The following XAF1 variants were observed in gnomAD, a reference collection of about 807,000 sequenced individuals.
XAF1 encodes the protein XIAP-associated factor 1.
In XAF1, 32 loss-of-function variants were observed where a neutral mutation model predicts 32.3. The ratio of observed to expected loss-of-function variants is 0.99; its 90% CI spans 0.75 to 1.33. XAF1 has a LOEUF of 1.33. XAF1 is among the 40% of genes most tolerant of loss of function. The probability of loss-of-function intolerance (pLI) is 0.00; values close to 1 mark genes in which losing one functional copy is unlikely to be tolerated. For missense variants in XAF1, 379 were observed against 366.0 expected, an observed-to-expected ratio of 1.04 and a Z score of -0.29; for synonymous variants, 120 against 125.9, an observed-to-expected ratio of 0.95 and a Z score of 0.31.
In XAF1 at chr17:6,772,948, T is replaced by C. The variant is rs571737262; in HGVS notation, c.850-165T>C. On this transcript the variant is annotated intron_variant, in intron 6 of 6. Coordinates refer to ENST00000361842, the MANE Select transcript of XAF1 (RefSeq NM_017523.5). ...CTGTTAAACTTTGTCGCAAGCCTCC[T>C]ATACTTCTGGCTCAGTGGGCTCCTG... The C allele has an allele frequency of 2.6e-5, 15 of 581,364 alleles. No homozygotes were observed. In the South Asian group the frequency reaches 3.2e-4, roughly 13 times the overall value. 36.0% of individuals were successfully genotyped at this position (581,364 alleles called of 1,614,324 possible).
chr17:6,763,570 T>G (rs1047234538), intron 5 of XAF1, among the ~76,000 whole-genome samples: 24 of 152,140 alleles, frequency 1.6e-4, no homozygotes, highest in African/African-American at 5.8e-4. Flanking sequence ...GACCGCAGGT[T>G]ATCCGCCTTC....
chr17:6,759,191 C>T (rs1597718244), intron 2 of XAF1: 1 of 1,028,380 alleles, frequency 9.7e-7, no homozygotes. Flanking sequence ...AAATGTTAAT[C>T]CTGCCTTTTT....
intron 5 of XAF1, among the ~76,000 whole-genome samples, chr17:6,764,687 T>C (rs1329883966): frequency 3.2e-4 from 49 of 152,220 alleles, no homozygotes; most frequent in Admixed American, 3.2e-3. Context: ...GAAATACTTC[T>C]GATCCCATTT....
At chr17:6,771,151 C>T in intron 6 of XAF1, 167 bp downstream of exon 6, 1 of 642,472 alleles carries the variant, frequency 1.6e-6, no homozygotes, top group East Asian at 2.9e-5. Context: ...GCACTTACCA[C>T]CTGGTTTATT....
chr17:6,761,842 G>A (rs1975226263), intron 4 of XAF1: 2 of 1,385,024 alleles, frequency 1.4e-6, no homozygotes, highest in Non-Finnish European at 1.9e-6. Context: ...AGTCAGAATG[G>A]AGGGGGTTGG....
intron 5 of XAF1, 24 bp downstream of exon 5, chr17:6,762,264 T>C (rs760544087): frequency 6.4e-7 from 1 of 1,572,888 alleles, no homozygotes; most frequent in South Asian, 1.2e-5. Context: ...AGTAATTTTC[T>C]AATGGTGCCA....
In XAF1 at chr17:6,756,100, T is replaced by C. The variant is rs1597705583; in HGVS notation, c.22T>C (p.Cys8Arg). Residue 8 changes from cysteine (C) to arginine (R), a missense_variant, in exon 1 of 7, where the codon TGC becomes CGC. Transcript: ENST00000361842. MEGDFSV[C>R]RNCKRHVVSA... ...GAACATGGAAGGAGACTTCTCGGTG[T>C]GCAGGAACTGGTAAGAAAGTGCTTT... 6 of 1,613,622 alleles carry C rather than the reference T, an allele frequency of 3.7e-6. No homozygotes were observed. Among genetic ancestry groups the C allele is most frequent in the South Asian group, 1.1e-5 (1 of 91,038 alleles).
At position 6,773,219 on chromosome 17, in the gene XAF1, C is replaced by A; in HGVS notation, c.*50C>A. On this transcript the variant is annotated 3_prime_UTR_variant, in exon 7 of 7. Transcript: ENST00000361842. ...AATTCAAAAGATTTCACTTTTAACACTGGCATTCCTGCCTACTTGCTGTGG... is the reference window on the plus strand; with the variant it reads ...AATTCAAAAGATTTCACTTTTAACAATGGCATTCCTGCCTACTTGCTGTGG... 1 of 1,501,892 alleles carries A rather than the reference C, an allele frequency of 6.7e-7. No individual in the cohort carries two copies. Among genetic ancestry groups the A allele is most frequent in the Non-Finnish European group, 9.1e-7 (1 of 1,101,492 alleles). The allele number at this position is 1,501,892 out of a possible 1,614,324, so 93.0% of individuals were successfully genotyped here. A position where few individuals can be genotyped will look rare whatever the true frequency, so the allele number is the denominator to read the frequency against.
intron 5 of XAF1, among the ~76,000 whole-genome samples, chr17:6,763,628 G>A (rs1196649218): frequency 6.7e-6 from 1 of 150,076 alleles, no homozygotes; most frequent in Admixed American, 6.6e-5. Context: ...CCCACATTTT[G>A]TTTCTCTACT....
intron 5 of XAF1, among the ~76,000 whole-genome samples, chr17:6,765,007 C>G (rs996585856): frequency 6.6e-6 from 1 of 152,210 alleles, no homozygotes; most frequent in African/African-American, 2.4e-5. Context: ...GTCTCTCATT[C>G]TCTACCTCCC....
intron 6 of XAF1, among the ~76,000 whole-genome samples, chr17:6,772,214 A>G (rs1271731854): frequency 6.6e-6 from 1 of 152,142 alleles, no homozygotes; most frequent in East Asian, 1.9e-4. Flanking sequence ...TCCTTATATA[A>G]CAGAGTCGCC....
At position 6,760,410 on chromosome 17, in the gene XAF1, A is replaced by G. The variant is rs61731569; in HGVS notation, c.230A>G (p.Asn77Ser). The change falls in exon 4 of 7, where the codon AAT becomes AGT. Residue 77 changes from asparagine to serine, a missense_variant. By Grantham distance (46) the Asn-to-Ser change is conservative. Coordinates refer to ENST00000361842, the MANE Select transcript of XAF1 (RefSeq NM_017523.5). Reference sequence around the variant, plus strand: ...CCTTCCTGCTGCCTCCCACAGGCCAATGAGTGCCAGGAGCGCCCTGTTGAG... The same window carrying G: ...CCTTCCTGCTGCCTCCCACAGGCCAGTGAGTGCCAGGAGCGCCCTGTTGAG... ...QKSSLEFHKA[N>S]ECQERPVECK... 1,715 of 1,610,520 alleles carry G rather than the reference A, an allele frequency of 1.1e-3. 18 individuals are homozygous for G. The African/African-American group carries it at 0.019, about 18-fold the overall frequency.
chr17:6,756,542 G>C (rs1974678243), intron 1 of XAF1, among the ~76,000 whole-genome samples: 1 of 151,956 alleles, frequency 6.6e-6, no homozygotes, highest in Non-Finnish European at 1.5e-5. Context: ...GCGGGGCAGG[G>C]GGGACAGAGC....
At chr17:6,764,314 T>C (rs1321950872) in intron 5 of XAF1, among the ~76,000 whole-genome samples, 1 of 152,180 alleles carries the variant, frequency 6.6e-6, no homozygotes, top group Non-Finnish European at 1.5e-5. Flanking sequence ...CCTATGTGCC[T>C]CTCTAAAGCC....
At chr17:6,757,603 C>CGATTTATTT (rs752741375) in intron 1 of XAF1, among the ~76,000 whole-genome samples, 1 of 149,052 alleles carries the variant, frequency 6.7e-6, no homozygotes, top group Non-Finnish European at 1.5e-5. Context: ...GCACTTCTCT[C>CGATTTATTT]AAATTATTTA....
chr17:6,765,361 C>T (rs1202219399), intron 5 of XAF1, among the ~76,000 whole-genome samples: 3 of 151,996 alleles, frequency 2.0e-5, no homozygotes, highest in Non-Finnish European at 2.9e-5. Flanking sequence ...TGCAGTGAGC[C>T]GAGATCACGC....
chr17:6,755,693 C>T (rs527993638), upstream of XAF1: 78 of 1,051,588 alleles, frequency 7.4e-5, no homozygotes, highest in South Asian at 6.5e-4. Context: ...AGAAGGGAGC[C>T]GGAGATGGGG....
rs1471848155 is a variant in XAF1, at chr17:6,764,822, A to G, written c.507+2582A>G. Reference sequence around the variant, plus strand: ...TATTCCCACTCCAGTCTGGCTCTCCATTTTAACCAAATCTGCTCTTGTCAA... The same window carrying G: ...TATTCCCACTCCAGTCTGGCTCTCCGTTTTAACCAAATCTGCTCTTGTCAA... On this transcript the variant is annotated intron_variant, in intron 5 of 6. Transcript: ENST00000361842. Among the ~76,000 whole-genome samples, 12 of 152,138 alleles carry G rather than the reference A, an allele frequency of 7.9e-5. No individual in the cohort carries two copies. In the East Asian group the frequency reaches 2.1e-3, roughly 27 times the overall value.
At chr17:6,760,660 T>C in intron 4 of XAF1, 59 bp downstream of exon 4, 1 of 1,522,996 alleles carries the variant, frequency 6.6e-7, no homozygotes, top group Non-Finnish European at 8.9e-7. Flanking sequence ...CTTTCCTGGA[T>C]GGGATGCAAG....
Sources: allele counts gnomAD v4.1 joint callset (sites outside exome capture counted in the v4.1 genomes callset), GRCh38; gene constraint gnomAD v4.1.1; transcripts MANE v1.5; gene names NCBI Gene and HGNC (gene_info 2026-07-23, HGNC 2026-07-21).